Variants in STK32B observed in about 807,000 individuals in gnomAD.
STK32B encodes serine/threonine-protein kinase 32B.
Under a neutral mutation model 52.6 loss-of-function variants are expected in STK32B, and 43 were observed. The observed-to-expected ratio is 0.82, with a 90% CI of 0.64 to 1.05. The LOEUF is 1.05. Ranked by LOEUF, STK32B falls within the 50% of genes least tolerant of loss-of-function variation. The pLI is 0.00. For synonymous variants in STK32B, 238 were observed against 204.3 expected (o/e 1.17, Z -1.41); for missense variants, 621 against 534.6 (o/e 1.16, Z -1.59).
At chr4:5,216,393 G>T (rs1378240420) in intron 3 of STK32B, among the ~76,000 whole-genome samples, 1 of 152,146 alleles carries the variant, frequency 6.6e-6, no homozygotes, top group Non-Finnish European at 1.5e-5. Flanking sequence ...TGGTCCAGTG[G>T]AACTTACTGG....
At chr4:5,475,697 C>CA (rs879367650) in intron 11 of STK32B, among the ~76,000 whole-genome samples, 97 of 112,088 alleles carry the variant, frequency 8.7e-4, no homozygotes, top group East Asian at 1.8e-3. Flanking sequence ...TACTCCGTTC[C>CA]AAAAAAAAAA....
intron 3 of STK32B, among the ~76,000 whole-genome samples, chr4:5,303,652 T>C (rs1291832169): frequency 6.6e-6 from 1 of 152,162 alleles, no homozygotes; most frequent in Non-Finnish European, 1.5e-5. Context: ...AATCTTCTGA[T>C]TATTTCTTTT....
rs1346718854 is a variant in STK32B at position 5,449,571 on chromosome 4, C to T, written c.666+2795C>T. On this transcript the variant is annotated intron_variant, in intron 7 of 11. Coordinates refer to ENST00000282908, the MANE Select transcript of STK32B (RefSeq NM_018401.3). ...ACAGTGCAGACCAGGGTTCTCCAAC[C>T]CCTGGGGCTGGGTACTGGCCTGTGG... 4.6e-5 allele frequency among the ~76,000 whole-genome samples: 7 copies of T among 152,194 alleles called. No homozygotes were observed. In the South Asian group the frequency reaches 1.5e-3, roughly 32 times the overall value.
chr4:5,456,331 C>G (rs1716517846), intron 7 of STK32B, among the ~76,000 whole-genome samples: 1 of 152,246 alleles, frequency 6.6e-6, no homozygotes, highest in Non-Finnish European at 1.5e-5. Context: ...TCAGCCCAAC[C>G]ACACCCAGAC....
At chr4:5,403,003 C>T (rs903894661) in intron 5 of STK32B, among the ~76,000 whole-genome samples, 2 of 152,200 alleles carry the variant, frequency 1.3e-5, no homozygotes, top group South Asian at 4.2e-4. Context: ...TCTTCAGCAG[C>T]TGGCAATGCA....
chr4:5,047,731 C>T (rs947097091), upstream of STK32B, among the ~76,000 whole-genome samples: 14 of 152,138 alleles, frequency 9.2e-5, no homozygotes, highest in African/African-American at 2.9e-4. Context: ...GGTGAGTCAA[C>T]GCATGACCTG....
At chr4:5,204,942 G>T (rs1187071313) in intron 3 of STK32B, among the ~76,000 whole-genome samples, 1 of 152,116 alleles carries the variant, frequency 6.6e-6, no homozygotes. Context: ...ATCATTTCTG[G>T]GTGTGTCTGT....
At chr4:5,479,049 G>C (rs1718457408) in intron 11 of STK32B, among the ~76,000 whole-genome samples, 1 of 151,932 alleles carries the variant, frequency 6.6e-6, no homozygotes, top group Admixed American at 6.6e-5. Context: ...GCAGGAGACA[G>C]TTAATCCCGG....
chr4:5,221,592 C>G (rs1465579926), intron 3 of STK32B, among the ~76,000 whole-genome samples: 1 of 152,142 alleles, frequency 6.6e-6, no homozygotes, highest in Admixed American at 6.5e-5. Context: ...TGTCCATGTT[C>G]ATGGTTGCTT....
chr4:5,232,769 T>G (rs193050566), intron 3 of STK32B, among the ~76,000 whole-genome samples: 28 of 152,266 alleles, frequency 1.8e-4, no homozygotes, highest in African/African-American at 6.7e-4. Context: ...CCTTTGCCCC[T>G]TTAGGTCCAC....
intron 3 of STK32B, among the ~76,000 whole-genome samples, chr4:5,251,747 C>G (rs1725950135): frequency 6.6e-6 from 1 of 152,178 alleles, no homozygotes; most frequent in Admixed American, 6.5e-5. Context: ...TCTCTGATTT[C>G]TTTCAGCAGT....
In STK32B at chr4:5,370,507, C is replaced by A. The variant is rs370859212; in HGVS notation, c.435-27700C>A. 1.7e-3 allele frequency among the ~76,000 whole-genome samples: 258 copies of A among 152,218 alleles called. 1 individual carries two copies. The highest frequency in any genetic ancestry group is 5.1e-3 in the African/African-American group (210 of 41,544). On this transcript the variant is annotated intron_variant, in intron 4 of 11. Transcript: ENST00000282908. ...CTTATTCAAGCAAATGGGAGCCCCACGTCAAGCCCAGTGTTCAGTGTGTAA... is the reference window on the plus strand; with the variant it reads ...CTTATTCAAGCAAATGGGAGCCCCAAGTCAAGCCCAGTGTTCAGTGTGTAA...
intron 3 of STK32B, among the ~76,000 whole-genome samples, chr4:5,311,914 A>ATATATT (rs143725868): frequency 5.6e-4 from 82 of 145,478 alleles, no homozygotes; most frequent in African/African-American, 2.0e-3. Flanking sequence ...ATATATATAT[A>ATATATT]TTTTTTTTTA....
At chr4:5,317,262 A>AT (rs1731092672) in intron 3 of STK32B, among the ~76,000 whole-genome samples, 1 of 40,462 alleles carries the variant, frequency 2.5e-5, no homozygotes, top group East Asian at 9.3e-4. Context: ...AACATATAAC[A>AT]TATATATAAT....
chr4:5,055,927 T>G (rs1430250276), intron 1 of STK32B, among the ~76,000 whole-genome samples: 1 of 152,140 alleles, frequency 6.6e-6, no homozygotes, highest in Admixed American at 6.5e-5. Context: ...ATTTTCTTGG[T>G]TATTGTCTGT....
chr4:5,192,025 A>C (rs747403426), intron 3 of STK32B, among the ~76,000 whole-genome samples: 2 of 152,208 alleles, frequency 1.3e-5, no homozygotes, highest in Non-Finnish European at 2.9e-5. Context: ...ACTCATGCCC[A>C]ACTGTAGAGA....
chr4:5,443,264 T>A (rs1714974042), intron 6 of STK32B, among the ~76,000 whole-genome samples: 1 of 148,258 alleles, frequency 6.7e-6, no homozygotes, highest in Admixed American at 6.8e-5. Flanking sequence ...GATTTGGTCT[T>A]TTCACATAGT....
At chr4:5,115,562 G>A (rs1201212682) in intron 1 of STK32B, among the ~76,000 whole-genome samples, 1 of 151,916 alleles carries the variant, frequency 6.6e-6, no homozygotes, top group African/African-American at 2.4e-5. Flanking sequence ...AGCCAGATTT[G>A]AGCTTCCTTG....
chr4:5,073,422 A>C (rs866333385), intron 1 of STK32B, among the ~76,000 whole-genome samples: 1 of 151,792 alleles, frequency 6.6e-6, no homozygotes, highest in Non-Finnish European at 1.5e-5. Flanking sequence ...CCATTTTCCC[A>C]TTTGTTTTCT....
Sources: allele counts gnomAD v4.1 joint callset (sites outside exome capture counted in the v4.1 genomes callset), GRCh38; gene constraint gnomAD v4.1.1; transcripts MANE v1.5; gene names NCBI Gene and HGNC (gene_info 2026-07-23, HGNC 2026-07-21).